The following PDE1C variants were observed in gnomAD, a reference collection of about 807,000 sequenced individuals.
PDE1C encodes phosphodiesterase 1C, also known as dual specificity calcium/calmodulin-dependent 3',5'-cyclic nucleotide phosphodiesterase 1C.
Under a neutral mutation model 93.1 loss-of-function variants are expected in PDE1C, and 62 were observed. That is an observed-to-expected ratio of 0.67 (90% CI 0.54 to 0.82). The LOEUF (loss-of-function observed/expected upper bound fraction) is 0.82, where lower values mean the gene tolerates loss of function less well. Among genes scored for constraint, PDE1C ranks in the 40% least tolerant of loss-of-function variants. PDE1C has a pLI of 0.00. For synonymous variants in PDE1C, 325 were observed against 310.1 expected (o/e 1.05, Z -0.50); for missense variants, 742 against 884.6 (o/e 0.84, Z 2.04).
chr7:32,175,618 G>A lies in PDE1C; in HGVS notation c.137-5662C>T, dbSNP rs1802935172. ...GCTTTGAAGAGGCAGAAAAACACAA[G>A]GCAGCTGCTAATTGATTTAGACTAG... On this transcript the variant is annotated intron_variant, in intron 2 of 18. Coordinates refer to the PDE1C transcript ENST00000396193. Among the ~76,000 whole-genome samples the A allele has an allele frequency of 3.3e-5, 5 of 152,214 alleles. No homozygotes were observed. In the South Asian group the frequency reaches 1.0e-3, roughly 32 times the overall value.
chr7:32,022,795 AC>A (rs1328242984), intron 2 of PDE1C, among the ~76,000 whole-genome samples: 1 of 151,782 alleles, frequency 6.6e-6, no homozygotes, highest in African/African-American at 2.4e-5. Flanking sequence ...AATTAGATCT[AC>A]TTGAAAAAAA....
intron 7 of PDE1C, among the ~76,000 whole-genome samples, chr7:31,851,910 T>G (rs754294890): frequency 6.6e-6 from 1 of 152,186 alleles, no homozygotes. Flanking sequence ...TGCACATCTT[T>G]AAGTTCCCAC....
intron 16 of PDE1C, among the ~76,000 whole-genome samples, chr7:31,776,492 C>A (rs1289188532): frequency 1.3e-5 from 2 of 151,960 alleles, no homozygotes; most frequent in Non-Finnish European, 1.5e-5. Context: ...AAGTCAAACC[C>A]CAGGATGGGA....
At chr7:31,891,280 G>A (rs1164496006) in intron 2 of PDE1C, among the ~76,000 whole-genome samples, 1 of 152,148 alleles carries the variant, frequency 6.6e-6, no homozygotes, top group Non-Finnish European at 1.5e-5. Flanking sequence ...AGAGAAGCTG[G>A]AAAACACAGT....
rs1440474454 is a variant in PDE1C at position 32,084,401 on chromosome 7, T to A, written c.308+85384A>T. Among the ~76,000 whole-genome samples the A allele has an allele frequency of 4.0e-5, 6 of 149,070 alleles. No individual in the cohort carries two copies. In the East Asian group the frequency reaches 1.2e-3, roughly 30 times the overall value. ...GACTTAGACTCCCACACAATAATAATGGGAGACTTTAACACCCCACTGTCA... is the reference window on the plus strand; with the variant it reads ...GACTTAGACTCCCACACAATAATAAAGGGAGACTTTAACACCCCACTGTCA... On this transcript the variant is annotated intron_variant, in intron 3 of 18. Coordinates refer to the PDE1C transcript ENST00000396193.
chr7:32,180,435 G>C (rs1371282654), intron 2 of PDE1C, among the ~76,000 whole-genome samples: 1 of 152,202 alleles, frequency 6.6e-6, no homozygotes, highest in East Asian at 1.9e-4. Flanking sequence ...ATAGTATTAA[G>C]AGGTGTGGCC....
At chr7:31,843,707 G>T (rs1488150918) in intron 9 of PDE1C, among the ~76,000 whole-genome samples, 1 of 151,510 alleles carries the variant, frequency 6.6e-6, no homozygotes, top group Non-Finnish European at 1.5e-5. Context: ...TTGCATTTGG[G>T]TCTAGCATGT....
intron 2 of PDE1C, 140 bp downstream of exon 2, chr7:32,051,414 C>G (rs938691523): frequency 6.4e-6 from 5 of 776,716 alleles, no homozygotes; most frequent in Non-Finnish European, 1.1e-5. Flanking sequence ...GCAGCAGTCA[C>G]GATCGGAGAT....
intron 1 of PDE1C, among the ~76,000 whole-genome samples, chr7:32,289,500 AAAG>A (rs778655549): frequency 2.0e-5 from 3 of 152,224 alleles, no homozygotes; most frequent in Non-Finnish European, 4.4e-5. Flanking sequence ...GTCCAAAGAT[AAAG>A]AAGGAATATT....
chr7:32,118,236 A>G (rs1395260844), intron 3 of PDE1C, among the ~76,000 whole-genome samples: 2 of 152,200 alleles, frequency 1.3e-5, no homozygotes, highest in Non-Finnish European at 2.9e-5. Flanking sequence ...GACAGCATAA[A>G]GGACCAGGTC....
chr7:32,385,724 T>C (rs1784613029), intron 1 of PDE1C, among the ~76,000 whole-genome samples: 1 of 152,094 alleles, frequency 6.6e-6, no homozygotes, highest in African/African-American at 2.4e-5. Flanking sequence ...TCATGTGTGG[T>C]ACCATGTCCA....
At chr7:31,624,614 G>A in the PDE1C span, among the ~76,000 whole-genome samples, 10 of 146,934 alleles carry the variant, frequency 6.8e-5, no homozygotes, top group East Asian at 2.0e-4. Flanking sequence ...CTTATACAAA[G>A]ATCAATTCAA....
intron 1 of PDE1C, among the ~76,000 whole-genome samples, chr7:32,348,924 T>C (rs114919296): frequency 1.0e-3 from 156 of 152,328 alleles, no homozygotes; most frequent in African/African-American, 3.6e-3. Context: ...CTGCTTAAAC[T>C]TATAACAAGC....
At chr7:32,411,718 C>T (rs1370914816) in intron 1 of PDE1C, among the ~76,000 whole-genome samples, 1 of 152,046 alleles carries the variant, frequency 6.6e-6, no homozygotes, top group Non-Finnish European at 1.5e-5. Flanking sequence ...ATAAGCTAAC[C>T]TTAGCTTACT....
intron 2 of PDE1C, among the ~76,000 whole-genome samples, chr7:32,197,507 T>C (rs538737555): frequency 6.6e-6 from 1 of 152,242 alleles, no homozygotes; most frequent in South Asian, 2.1e-4. Context: ...CAAATATCCA[T>C]AGCAACATTA....
intron 2 of PDE1C, among the ~76,000 whole-genome samples, chr7:32,182,747 G>T (rs1803533732): frequency 6.6e-6 from 1 of 152,116 alleles, no homozygotes; most frequent in South Asian, 2.1e-4. Flanking sequence ...CACAAGACAG[G>T]GATGCCCTCT....
At chr7:31,689,581 C>T in the PDE1C span, among the ~76,000 whole-genome samples, 2 of 152,180 alleles carry the variant, frequency 1.3e-5, no homozygotes, top group East Asian at 3.9e-4. Flanking sequence ...TAGACCGGCT[C>T]ATGTCTTAAA....
At chr7:31,642,227 TGGA>T in the PDE1C span, 1 of 1,558,202 alleles carries the variant, frequency 6.4e-7, no homozygotes, top group Non-Finnish European at 8.7e-7. Flanking sequence ...AGCGGGTTCC[TGGA>T]GGAGCCGCTG....
chr7:32,095,886 C>G (rs751768361), intron 3 of PDE1C, among the ~76,000 whole-genome samples: 6 of 152,192 alleles, frequency 3.9e-5, no homozygotes, highest in Non-Finnish European at 7.4e-5. Context: ...TCCCCCACAT[C>G]TAGCTCCTCT....
Sources: allele counts gnomAD v4.1 joint callset (sites outside exome capture counted in the v4.1 genomes callset), GRCh38; gene constraint gnomAD v4.1.1; transcripts MANE v1.5; gene names NCBI Gene and HGNC (gene_info 2026-07-23, HGNC 2026-07-21).